EFNA5: variants seen among roughly 807,000 people sequenced by gnomAD.
EFNA5 encodes the protein ephrin A5, also known as ephrin-A5.
In EFNA5, 5 loss-of-function variants were observed where a neutral mutation model predicts 22.9. That is an observed-to-expected ratio of 0.22 (90% confidence interval 0.11 to 0.46). The LOEUF (loss-of-function observed/expected upper bound fraction) is 0.46, where lower values mean the gene tolerates loss of function less well. Ranked by LOEUF, EFNA5 falls within the 20% of genes least tolerant of loss-of-function variation. The pLI is 0.99. For synonymous variants in EFNA5, 113 were observed against 112.2 expected, an observed-to-expected ratio of 1.01 and a Z score of -0.04; for missense variants, 237 against 293.3, an observed-to-expected ratio of 0.81 and a Z score of 1.40.
intron 1 of EFNA5, among the ~76,000 whole-genome samples, chr5:107,577,953 T>C (rs1191531180): frequency 6.6e-6 from 1 of 152,120 alleles, no homozygotes. Flanking sequence ...CAGTTGGCAT[T>C]TTTTTCCTTA....
chr5:107,592,955 C>A (rs1749406467), intron 1 of EFNA5, among the ~76,000 whole-genome samples: 1 of 152,158 alleles, frequency 6.6e-6, no homozygotes, highest in South Asian at 2.1e-4. Context: ...CATGAGGAAG[C>A]AGTGATGAGG....
rs137988498 is a variant in EFNA5, at chr5:107,445,375, C to T, written c.126-17866G>A. 2.6e-4 allele frequency among the ~76,000 whole-genome samples: 40 copies of T among 152,260 alleles called. No individual in the cohort carries two copies. In the East Asian group the frequency reaches 7.5e-3, roughly 29 times the overall value. On this transcript the variant is annotated intron_variant, in intron 1 of 4. Coordinates refer to ENST00000333274, the MANE Select transcript of EFNA5 (RefSeq NM_001962.3). ...TTAAACCCCAAAGAGTATTTTAATG[C>T]ACTTTGTACAGAGCACATATGTGCT...
At chr5:107,405,688 G>C (rs1748190270) in intron 2 of EFNA5, among the ~76,000 whole-genome samples, 2 of 152,010 alleles carry the variant, frequency 1.3e-5, no homozygotes, top group Admixed American at 6.6e-5. Context: ...AGTGATCCTG[G>C]TGGAAACTAA....
At chr5:107,569,867 C>G (rs1408288444) in intron 1 of EFNA5, among the ~76,000 whole-genome samples, 1 of 144,552 alleles carries the variant, frequency 6.9e-6, no homozygotes, top group South Asian at 2.1e-4. Flanking sequence ...ACAAACAACA[C>G]AAGAGGAAAT....
intron 1 of EFNA5, among the ~76,000 whole-genome samples, chr5:107,652,968 GGTTCT>G (rs1561460901): frequency 2.0e-5 from 3 of 151,636 alleles, no homozygotes; most frequent in African/African-American, 7.3e-5. Context: ...AATGGCATAT[GGTTCT>G]CCCTCACCCA....
intron 2 of EFNA5, among the ~76,000 whole-genome samples, chr5:107,408,357 T>C (rs1286349813): frequency 6.6e-6 from 1 of 152,206 alleles, no homozygotes; most frequent in Non-Finnish European, 1.5e-5. Context: ...CTACTTTTGC[T>C]CCTTACAACC....
intron 1 of EFNA5, among the ~76,000 whole-genome samples, chr5:107,662,236 T>A (rs1266566759): frequency 6.6e-6 from 1 of 152,186 alleles, no homozygotes; most frequent in African/African-American, 2.4e-5. Context: ...GTATCTGTTA[T>A]TAAAACATGC....
intron 1 of EFNA5, among the ~76,000 whole-genome samples, chr5:107,442,744 G>A (rs929479984): frequency 2.0e-5 from 3 of 151,402 alleles, no homozygotes; most frequent in Admixed American, 6.6e-5. Context: ...TTTAAAATAA[G>A]CAAAGAAAAA....
At chr5:107,428,599 G>A (rs1021741900) in intron 1 of EFNA5, among the ~76,000 whole-genome samples, 16 of 152,282 alleles carry the variant, frequency 1.1e-4, no homozygotes, top group African/African-American at 2.4e-4. Flanking sequence ...GTGGAAAAGC[G>A]TACAAAACTC....
At chr5:107,578,528 C>T (rs886666479) in intron 1 of EFNA5, among the ~76,000 whole-genome samples, 1 of 152,102 alleles carries the variant, frequency 6.6e-6, no homozygotes, top group Non-Finnish European at 1.5e-5. Context: ...AAATACATAA[C>T]TTTCAGTTTG....
intron 1 of EFNA5, among the ~76,000 whole-genome samples, chr5:107,608,508 G>A (rs1381013199): frequency 6.6e-6 from 1 of 152,200 alleles, no homozygotes; most frequent in African/African-American, 2.4e-5. Context: ...CTTTCTGCCT[G>A]CCTATCTCAG....
chr5:107,437,485 C>T (rs1580451334), intron 1 of EFNA5, among the ~76,000 whole-genome samples: 2 of 152,306 alleles, frequency 1.3e-5, no homozygotes, highest in Non-Finnish European at 2.9e-5. Flanking sequence ...ATAAAAAGTA[C>T]TGAATTCATC....
intron 1 of EFNA5, among the ~76,000 whole-genome samples, chr5:107,511,381 T>C (rs970742953): frequency 3.9e-5 from 6 of 152,046 alleles, no homozygotes; most frequent in Non-Finnish European, 5.9e-5. Flanking sequence ...GATGATGAGA[T>C]CAGGGATATT....
chr5:107,546,373 A>C (rs1355495911), intron 1 of EFNA5, among the ~76,000 whole-genome samples: 2 of 152,200 alleles, frequency 1.3e-5, no homozygotes, highest in African/African-American at 4.8e-5. Flanking sequence ...ATAAACAGCT[A>C]TGAGCGGAAA....
intron 1 of EFNA5, among the ~76,000 whole-genome samples, chr5:107,488,698 CTT>C (rs59146531): frequency 1.1e-4 from 16 of 151,686 alleles, no homozygotes; most frequent in Admixed American, 3.9e-4. Context: ...CAAAAAAACT[CTT>C]TTTTTTTCCA....
intron 1 of EFNA5, among the ~76,000 whole-genome samples, chr5:107,540,977 T>G (rs1158097393): frequency 6.6e-6 from 1 of 151,836 alleles, no homozygotes; most frequent in Non-Finnish European, 1.5e-5. Context: ...CATGGTGGCG[T>G]GGGCCTGTAA....
chr5:107,389,715 C>T (rs1048772711), intron 2 of EFNA5, among the ~76,000 whole-genome samples: 9 of 152,250 alleles, frequency 5.9e-5, no homozygotes, highest in African/African-American at 9.6e-5. Context: ...AAACAGCAAA[C>T]GATACGCCTC....
At chr5:107,386,495 G>A (rs550924590) in intron 4 of EFNA5, among the ~76,000 whole-genome samples, 14 of 152,300 alleles carry the variant, frequency 9.2e-5, no homozygotes, top group African/African-American at 3.1e-4. Context: ...GAGTGCTTTG[G>A]TAGGTTTTAT....
At chr5:107,465,661 G>C (rs758903154) in intron 1 of EFNA5, among the ~76,000 whole-genome samples, 7 of 152,204 alleles carry the variant, frequency 4.6e-5, no homozygotes, top group Non-Finnish European at 8.8e-5. Context: ...CATCACAGCA[G>C]CGTAAGAAAT....
Sources: allele counts gnomAD v4.1 joint callset (sites outside exome capture counted in the v4.1 genomes callset), GRCh38; gene constraint gnomAD v4.1.1; transcripts MANE v1.5; gene names NCBI Gene and HGNC (gene_info 2026-07-23, HGNC 2026-07-21).